Variants in FREM2 observed in about 807,000 individuals in gnomAD.
FREM2 encodes the protein FRAS1 related extracellular matrix 2.
FREM2 carries 119 observed loss-of-function variants against 219.9 expected under a neutral mutation model. The observed-to-expected ratio is 0.54, with a 90% confidence interval of 0.47 to 0.63. FREM2 has a LOEUF of 0.63. Among genes scored for constraint, FREM2 ranks in the 30% least tolerant of loss-of-function variants. The pLI is 0.00. For missense variants in FREM2, 4,030 were observed against 3,993.6 expected (o/e 1.01, Z -0.25); for synonymous variants, 1,562 against 1,522.8 (o/e 1.03, Z -0.60).
At position 38,883,590 on chromosome 13, in the gene FREM2, T is replaced by A. The variant is rs932392754; in HGVS notation, c.*2803T>A. 9 of 152,292 alleles carry A rather than the reference T, an allele frequency of 5.9e-5. No individual in the cohort carries two copies. The highest frequency in any genetic ancestry group is 2.2e-4 in the African/African-American group (9 of 41,570). 9.4% of individuals were successfully genotyped at this position (152,292 alleles called of 1,614,324 possible). Reference sequence around the variant, plus strand: ...TTAATGATGATCTTATTTATTCCCATTTTTGCCCTTAGTTAACATTTACTG... The same window carrying A: ...TTAATGATGATCTTATTTATTCCCAATTTTGCCCTTAGTTAACATTTACTG... On this transcript the variant is annotated 3_prime_UTR_variant, in exon 24 of 24. Coordinates refer to ENST00000280481, the MANE Select transcript of FREM2 (RefSeq NM_207361.6).
chr13:38,793,937 G>C (rs1258949156), intron 6 of FREM2, among the ~76,000 whole-genome samples: 1 of 151,900 alleles, frequency 6.6e-6, no homozygotes, highest in African/African-American at 2.4e-5. Context: ...GGTAGAATGG[G>C]CTTAGGAATA....
chr13:38,872,799 G>A lies in FREM2; in HGVS notation c.8041G>A (p.Val2681Met), dbSNP rs367698077. 1.2e-5 allele frequency: 20 copies of A among 1,613,874 alleles called. No homozygotes were observed. Among genetic ancestry groups the A allele is most frequent in the Middle Eastern group, 1.6e-4 (1 of 6,082 alleles). ...TLRVPLYVSYVFHSPVGVGGW... is the reference protein window; with the variant it reads ...TLRVPLYVSYMFHSPVGVGGW... ...TCGAGTCCCTCTGTATGTTTCCTAC[G>A]TGTTCCATTCCCCCGTGGGGGTAGG... is the stretch of plus-strand genomic sequence containing the variant. The change falls in exon 17 of 24, where the codon GTG becomes ATG. Residue 2681 changes from valine to methionine, a missense_variant. By Grantham distance (21) the Val-to-Met change is conservative. This residue lies in a region of FREM2 where 928 missense variants were observed against 1,042.9 expected (regional missense o/e 0.89). Transcript: ENST00000280481.
At chr13:38,701,045 T>C (rs1228211086) in intron 2 of FREM2, among the ~76,000 whole-genome samples, 1 of 152,052 alleles carries the variant, frequency 6.6e-6, no homozygotes, top group Non-Finnish European at 1.5e-5. Flanking sequence ...GTTATATAGG[T>C]AAAGTCATGT....
At chr13:38,753,829 G>T (rs1872874186) in intron 2 of FREM2, among the ~76,000 whole-genome samples, 3 of 152,188 alleles carry the variant, frequency 2.0e-5, no homozygotes, top group African/African-American at 7.2e-5. Context: ...GGAAAGTACA[G>T]TGTTACCCAA....
rs376216967 is a variant in FREM2 at position 38,874,472 on chromosome 13, C to T, written c.8177-10C>T. The T allele has an allele frequency of 1.2e-6, 2 of 1,607,838 alleles. No individual in the cohort carries two copies. The highest frequency in any genetic ancestry group is 1.7e-6 in the Non-Finnish European group (2 of 1,174,380). On this transcript the variant is annotated splice_polypyrimidine_tract_variant and intron_variant, in intron 17 of 23. Coordinates refer to ENST00000280481, the MANE Select transcript of FREM2 (RefSeq NM_207361.6). ...ATATATTTTCATTCTTGGTACTCTC[C>T]CCATTATAGGTTCTCTCTATCCAAC...
intron 12 of FREM2, 21 bp from the exon 13 acceptor site, chr13:38,857,854 A>G (rs1447500019): frequency 6.2e-7 from 1 of 1,603,030 alleles, no homozygotes; most frequent in African/African-American, 1.3e-5. Context: ...CTAATCAGTG[A>G]TAATTGTCTT....
At chr13:38,737,807 T>C (rs1044690019) in intron 2 of FREM2, among the ~76,000 whole-genome samples, 1 of 152,204 alleles carries the variant, frequency 6.6e-6, no homozygotes, top group Non-Finnish European at 1.5e-5. Flanking sequence ...TTTTGGTGTG[T>C]TGTTCTAAGG....
At chr13:38,723,811 G>A (rs994737219) in intron 2 of FREM2, among the ~76,000 whole-genome samples, 1 of 152,150 alleles carries the variant, frequency 6.6e-6, no homozygotes, top group South Asian at 2.1e-4. Flanking sequence ...TGCTCCAAGA[G>A]CTTTATGGTT....
intron 6 of FREM2, among the ~76,000 whole-genome samples, chr13:38,794,478 T>A (rs1874689812): frequency 6.6e-6 from 1 of 152,210 alleles, no homozygotes; most frequent in African/African-American, 2.4e-5. Flanking sequence ...GTGCAAATAT[T>A]TCACCAATTT....
At chr13:38,880,239 A>G in intron 23 of FREM2, 45 bp from the exon 24 acceptor site, 2 of 1,586,066 alleles carry the variant, frequency 1.3e-6, no homozygotes, top group Non-Finnish European at 1.7e-6. Flanking sequence ...GATTAGATTG[A>G]CATGGTATCT....
chr13:38,837,797 C>CTTTTTTTTTTTTTT (rs1324884346), intron 6 of FREM2, among the ~76,000 whole-genome samples: 63 of 123,612 alleles, frequency 5.1e-4, no homozygotes, highest in Admixed American at 1.2e-3. Flanking sequence ...TTTGTTTTTG[C>CTTTTTTTTTTTTTT]TTTCCATTTG....
intron 6 of FREM2, among the ~76,000 whole-genome samples, chr13:38,833,157 C>T (rs1876577804): frequency 6.6e-6 from 1 of 151,988 alleles, no homozygotes; most frequent in Admixed American, 6.6e-5. Flanking sequence ...TATCTTTTTC[C>T]CATTTTTCTG....
At chr13:38,747,831 C>A (rs1219686844) in intron 2 of FREM2, among the ~76,000 whole-genome samples, 3 of 152,158 alleles carry the variant, frequency 2.0e-5, no homozygotes, top group Admixed American at 1.3e-4. Flanking sequence ...GTTTATCAGC[C>A]TTAAAGTTTA....
chr13:38,754,891 TGA>T (rs1566129683), intron 2 of FREM2, among the ~76,000 whole-genome samples: 55 of 118,432 alleles, frequency 4.6e-4, no homozygotes, highest in East Asian at 1.3e-3. Flanking sequence ...ATGATGATGA[TGA>T]TGATGATGAT....
chr13:38,833,005 C>T (rs1239908752), intron 6 of FREM2, among the ~76,000 whole-genome samples: 2 of 152,086 alleles, frequency 1.3e-5, no homozygotes, highest in African/African-American at 4.8e-5. Flanking sequence ...AGCCACTACA[C>T]TCCACCCTGG....
At chr13:38,877,546 A>G (rs1878384681) in intron 21 of FREM2, among the ~76,000 whole-genome samples, 1 of 152,174 alleles carries the variant, frequency 6.6e-6, no homozygotes, top group Admixed American at 6.5e-5. Context: ...TGCTGCAGCT[A>G]CATGAGACTG....
At chr13:38,755,152 C>T (rs546819908) in intron 2 of FREM2, among the ~76,000 whole-genome samples, 69 of 152,112 alleles carry the variant, frequency 4.5e-4, no homozygotes, top group Non-Finnish European at 7.9e-4. Context: ...CTGCCTGCCT[C>T]GGCCCCCCAA....
At chr13:38,838,676 T>A (rs1876818807) in intron 6 of FREM2, among the ~76,000 whole-genome samples, 1 of 152,234 alleles carries the variant, frequency 6.6e-6, no homozygotes, top group Non-Finnish European at 1.5e-5. Context: ...TTATGTTTTC[T>A]CTAATCTTGT....
At chr13:38,839,809 C>G (rs577388382) in intron 6 of FREM2, among the ~76,000 whole-genome samples, 1 of 152,268 alleles carries the variant, frequency 6.6e-6, no homozygotes, top group African/African-American at 2.4e-5. Context: ...CCTTCCCACA[C>G]CAAGCTCAAG....
Sources: allele counts gnomAD v4.1 joint callset (sites outside exome capture counted in the v4.1 genomes callset), GRCh38; gene constraint gnomAD v4.1.1; regional missense constraint gnomAD v4.1.1; transcripts MANE v1.5; gene names NCBI Gene and HGNC (gene_info 2026-07-23, HGNC 2026-07-21).